The following LMNTD1 variants were observed in gnomAD, a reference collection of about 807,000 sequenced individuals.
LMNTD1 encodes lamin tail domain containing 1, also known as lamin tail domain-containing protein 1.
In LMNTD1, 35 loss-of-function variants were observed where a neutral mutation model predicts 50.9. The ratio of observed to expected loss-of-function variants is 0.69; its 90% CI spans 0.53 to 0.91. LMNTD1 has a LOEUF of 0.91. Ranked by LOEUF, LMNTD1 falls within the 40% of genes least tolerant of loss-of-function variation. LMNTD1 has a pLI of 0.00. For missense variants in LMNTD1, 470 were observed against 475.5 expected, an observed-to-expected ratio of 0.99 and a Z score of 0.11; for synonymous variants, 153 against 161.9, an observed-to-expected ratio of 0.94 and a Z score of 0.42.
At chr12:25,477,661 C>A (rs1938314068) in intron 9 of LMNTD1, among the ~76,000 whole-genome samples, 1 of 151,946 alleles carries the variant, frequency 6.6e-6, no homozygotes, top group African/African-American at 2.4e-5. Context: ...GTGGAGTGAC[C>A]CAAACTTTCA....
intron 1 of LMNTD1, among the ~76,000 whole-genome samples, chr12:25,608,514 G>T (rs1417181772): frequency 6.6e-6 from 1 of 152,186 alleles, no homozygotes; most frequent in Non-Finnish European, 1.5e-5. Flanking sequence ...AGGAGCTCTT[G>T]TAAGGCAGGC....
chr12:25,619,662 G>T (rs1216174141), intron 1 of LMNTD1, among the ~76,000 whole-genome samples: 1 of 152,166 alleles, frequency 6.6e-6, no homozygotes, highest in Non-Finnish European at 1.5e-5. Flanking sequence ...TGCTTGTTCT[G>T]CCATTTTCCC....
At chr12:25,495,834 G>T (rs1939044366) in intron 9 of LMNTD1, among the ~76,000 whole-genome samples, 1 of 152,164 alleles carries the variant, frequency 6.6e-6, no homozygotes, top group African/African-American at 2.4e-5. Context: ...ACAAATCCCA[G>T]TGCTGAGCAT....
At chr12:25,518,743 G>A in intron 8 of LMNTD1, 52 bp downstream of exon 8, 10 of 1,521,520 alleles carry the variant, frequency 6.6e-6, no homozygotes, top group Non-Finnish European at 9.1e-6. Flanking sequence ...GTTAACACAT[G>A]TGCATGCACA....
intron 1 of LMNTD1, among the ~76,000 whole-genome samples, chr12:25,611,218 C>A (rs550967094): frequency 6.6e-6 from 1 of 152,160 alleles, no homozygotes; most frequent in East Asian, 1.9e-4. Flanking sequence ...ATTTTAATGG[C>A]GTACTGGAGA....
intron 1 of LMNTD1, among the ~76,000 whole-genome samples, chr12:25,628,469 T>C (rs1001136454): frequency 2.0e-5 from 3 of 152,162 alleles, no homozygotes; most frequent in Non-Finnish European, 2.9e-5. Context: ...AACATCAGAA[T>C]TGTAGATTCT....
intron 9 of LMNTD1, chr12:25,503,053 A>G (rs1479307843): frequency 6.6e-6 from 1 of 152,256 alleles, no homozygotes; most frequent in Non-Finnish European, 1.5e-5. Flanking sequence ...GCAGAAAACA[A>G]CAACAACAAC....
rs866793098 is a variant in LMNTD1 at position 25,546,552 on chromosome 12, C to A, written c.313G>T (p.Ala105Ser). 6.5e-7 allele frequency: 1 copy of A among 1,528,252 alleles called. No homozygotes were observed. Among genetic ancestry groups the A allele is most frequent in the South Asian group, 1.3e-5 (1 of 76,774 alleles). 94.7% of individuals were successfully genotyped at this position (1,528,252 alleles called of 1,614,324 possible). A position where few individuals can be genotyped will look rare whatever the true frequency, so the allele number is the denominator to read the frequency against. The stretch of plus-strand genomic sequence containing the variant: ...TTCTTCGGAACTGAGAAGGGGCTGG[C>A]ATCTTTCAAGTAGACAGAAGAAAGA... ...SCSRVENSLD[A>S]SPFSVPKKQD... The change falls in exon 4 of 10, where the codon GCC becomes TCC. Residue 105 changes from alanine (A) to serine (S), a missense_variant and splice_region_variant. Coordinates refer to ENST00000458174, the MANE Select transcript of LMNTD1 (RefSeq NM_001145728.2).
chr12:25,603,730 C>A (rs79720308), intron 1 of LMNTD1, among the ~76,000 whole-genome samples: 8,139 of 151,934 alleles, frequency 0.054, 449 homozygotes, highest in African/African-American at 0.14. Flanking sequence ...TAGCATAGGG[C>A]AGAATAATAA....
At chr12:25,617,566 C>A (rs1161169575) in intron 1 of LMNTD1, among the ~76,000 whole-genome samples, 2 of 152,090 alleles carry the variant, frequency 1.3e-5, no homozygotes, top group South Asian at 2.1e-4. Context: ...AAGAGCCCAT[C>A]TGATGGTTTC....
intron 9 of LMNTD1, among the ~76,000 whole-genome samples, chr12:25,501,897 A>C (rs751144202): frequency 6.6e-6 from 1 of 152,190 alleles, no homozygotes; most frequent in African/African-American, 2.4e-5. Flanking sequence ...TTTTGCTCCC[A>C]GTAAGGCTTC....
chr12:25,592,180 ATGG>A (rs1459872607), intron 1 of LMNTD1, among the ~76,000 whole-genome samples: 4 of 152,190 alleles, frequency 2.6e-5, no homozygotes, highest in Non-Finnish European at 5.9e-5. Context: ...GCAGAAAAAC[ATGG>A]TATCAGAAGG....
chr12:25,611,697 A>G (rs534377321), intron 1 of LMNTD1, among the ~76,000 whole-genome samples: 1 of 152,348 alleles, frequency 6.6e-6, no homozygotes, highest in African/African-American at 2.4e-5. Flanking sequence ...GTACACACAC[A>G]CAGTCATAGC....
At chr12:25,528,172 CAT>C (rs972838152) in intron 4 of LMNTD1, among the ~76,000 whole-genome samples, 38 of 152,236 alleles carry the variant, frequency 2.5e-4, no homozygotes, top group African/African-American at 9.1e-4. Flanking sequence ...AATACTTCTA[CAT>C]GTTTCTTATT....
intron 8 of LMNTD1, among the ~76,000 whole-genome samples, chr12:25,518,295 G>T (rs929252077): frequency 3.9e-5 from 6 of 152,172 alleles, no homozygotes; most frequent in African/African-American, 1.4e-4. Context: ...TGTAGCAAGT[G>T]CATGGATTTC....
intron 8 of LMNTD1, among the ~76,000 whole-genome samples, chr12:25,505,700 G>A (rs918807345): frequency 3.3e-5 from 5 of 152,144 alleles, no homozygotes; most frequent in African/African-American, 1.2e-4. Flanking sequence ...ATTTTGCAAT[G>A]TTCCTTCAAA....
chr12:25,575,481 C>T (rs1944966481), intron 1 of LMNTD1, among the ~76,000 whole-genome samples: 1 of 152,142 alleles, frequency 6.6e-6, no homozygotes, highest in Admixed American at 6.5e-5. Flanking sequence ...TTGTACCATG[C>T]ATCCCAATGT....
intron 1 of LMNTD1, among the ~76,000 whole-genome samples, chr12:25,637,033 A>C (rs58695357): frequency 6.6e-6 from 1 of 151,822 alleles, no homozygotes; most frequent in Non-Finnish European, 1.5e-5. Context: ...CAGATATGGT[A>C]CAGTGTATAC....
chr12:25,624,292 G>A (rs574539256), intron 1 of LMNTD1, among the ~76,000 whole-genome samples: 9 of 152,216 alleles, frequency 5.9e-5, no homozygotes, highest in South Asian at 2.1e-4. Flanking sequence ...GTCTTAATCC[G>A]AATACTGCCT....
Sources: allele counts gnomAD v4.1 joint callset (sites outside exome capture counted in the v4.1 genomes callset), GRCh38; gene constraint gnomAD v4.1.1; transcripts MANE v1.5; gene names NCBI Gene and HGNC (gene_info 2026-07-23, HGNC 2026-07-21).